Variants in REG4 observed in about 807,000 individuals in gnomAD.
The protein encoded by REG4 is regenerating islet-derived protein 4.
Under a neutral mutation model 22.3 loss-of-function variants are expected in REG4, and 16 were observed. The observed-to-expected ratio is 0.72, with a 90% confidence interval of 0.49 to 1.09. The LOEUF is 1.09. Ranked by LOEUF, REG4 falls within the 50% of genes least tolerant of loss-of-function variation. The pLI is 0.00. For synonymous variants in REG4, 71 were observed against 69.2 expected, an observed-to-expected ratio of 1.03 and a Z score of -0.13; for missense variants, 214 against 193.9, an observed-to-expected ratio of 1.10 and a Z score of -0.61.
chr1:119,799,301 T>TA (rs919495275), intron 4 of REG4, among the ~76,000 whole-genome samples: 1 of 151,260 alleles, frequency 6.6e-6, no homozygotes, highest in Non-Finnish European at 1.5e-5. Context: ...AAGGATAACA[T>TA]AAAAAAAATT....
rs1469366918 is a variant in REG4 at position 119,810,505 on chromosome 1, G to GGA, written c.-95+902_-95+903dup. Among the ~76,000 whole-genome samples, 4 of 152,258 alleles carry GGA rather than the reference G, an allele frequency of 2.6e-5. No homozygotes were observed. In the East Asian group the frequency reaches 7.7e-4, roughly 29 times the overall value. Reference sequence around the variant, plus strand: ...ATTAACTGAGAATGAGACAAAGCTTGGAGAGTGTGGATGTGACCTTCCCCA... The same window carrying GGA: ...ATTAACTGAGAATGAGACAAAGCTTGGAGAGAGTGTGGATGTGACCTTCCCCA... On this transcript the variant is annotated intron_variant, in intron 1 of 5. Transcript: ENST00000256585.
chr1:119,804,708 C>T (rs1228381504), intron 2 of REG4, among the ~76,000 whole-genome samples: 1 of 152,174 alleles, frequency 6.6e-6, no homozygotes, highest in Non-Finnish European at 1.5e-5. Flanking sequence ...AAATAAGGTG[C>T]TTGACTTTCT....
rs1279371738 is a variant in REG4, at chr1:119,811,402, G to A, written c.-95+7C>T. ...AGTCCCCCATCATCAACCGCGAGGA[G>A]GATTACCTGTTTGGCAACCAAGACT... On this transcript the variant is annotated splice_region_variant and intron_variant, in intron 1 of 5. Transcript: ENST00000256585. 2 of 151,656 alleles carry A rather than the reference G, an allele frequency of 1.3e-5. No homozygotes were observed. Among genetic ancestry groups the A allele is most frequent in the Non-Finnish European group, 2.9e-5 (2 of 67,992 alleles). 9.4% of individuals were successfully genotyped at this position (151,656 alleles called of 1,614,324 possible). A position where few individuals can be genotyped will look rare whatever the true frequency, so the allele number is the denominator to read the frequency against.
chr1:119,807,209 T>A (rs1409804650), intron 2 of REG4, among the ~76,000 whole-genome samples: 1 of 152,186 alleles, frequency 6.6e-6, no homozygotes, highest in Non-Finnish European at 1.5e-5. Context: ...CACTACAAGG[T>A]CTCATTGAGA....
rs1199492606 is a variant in REG4 at position 119,798,542 on chromosome 1, A to T, written c.364T>A (p.Ser122Thr). ...MYLYRSWSGKSMGGNKHCAEM... is the reference protein window; with the variant it reads ...MYLYRSWSGKTMGGNKHCAEM... The stretch of plus-strand genomic sequence containing the variant: ...GCACAGTGCTTGTTCCCACCCATGG[A>T]CTTGCCAGACCAGGATCTGTACAGA... Residue 122 changes from serine (S) to threonine (T), a missense_variant, in exon 5 of 6, where the codon TCC (serine) becomes ACC (threonine). Ser to Thr is a moderately conservative substitution (Grantham distance 58). Coordinates refer to ENST00000256585, the MANE Select transcript of REG4 (RefSeq NM_032044.4). 6.2e-7 allele frequency: 1 copy of T among 1,614,208 alleles called. No individual in the cohort carries two copies.
intron 4 of REG4, 35 bp downstream of exon 4, chr1:119,799,690 C>T: frequency 3.7e-6 from 6 of 1,601,904 alleles, no homozygotes; most frequent in Non-Finnish European, 5.1e-6. Context: ...GCCTGGCTTT[C>T]CCAAGAGGGC....
intron 2 of REG4, among the ~76,000 whole-genome samples, chr1:119,805,805 C>T (rs12066617): frequency 0.045 from 6,872 of 152,076 alleles, 495 homozygotes; most frequent in African/African-American, 0.15. Context: ...TTTTTCTCCC[C>T]CTCCTCCTTC....
intron 5 of REG4, among the ~76,000 whole-genome samples, chr1:119,798,262 T>C (rs587726405): frequency 6.6e-6 from 1 of 152,298 alleles, no homozygotes; most frequent in African/African-American, 2.4e-5. Flanking sequence ...AAAGAAAATA[T>C]TGAGTAAATA....
At chr1:119,810,263 G>C (rs1363153369) in intron 1 of REG4, among the ~76,000 whole-genome samples, 1 of 152,038 alleles carries the variant, frequency 6.6e-6, no homozygotes, top group Admixed American at 6.5e-5. Context: ...TCTGGGCTTT[G>C]TTTTAACATA....
Position 119,798,587 on chromosome 1 carries a change from A to G in REG4, c.319T>C (p.Trp107Arg), listed in dbSNP as rs763255276. The change falls in exon 5 of 6, where the codon TGG becomes CGG. Residue 107 changes from tryptophan to arginine, a missense_variant. Physicochemically the swap from Trp to Arg is moderately radical, Grantham distance 101. Transcript: ENST00000256585. Reference sequence around the variant, plus strand: ...TACAGATACATGGCCCCATCAATCCACTGCCACTGCTGCCTCTGCAACAAC... The same window carrying G: ...TACAGATACATGGCCCCATCAATCCGCTGCCACTGCTGCCTCTGCAACAAC... ...HDPQKRQQWQ[W>R]IDGAMYLYRS... 3.7e-6 allele frequency: 6 copies of G among 1,614,154 alleles called. No homozygotes were observed. The South Asian group carries it at 6.6e-5, about 18-fold the overall frequency.
intron 3 of REG4, chr1:119,802,770 T>C (rs994854581): frequency 6.9e-7 from 1 of 1,455,432 alleles, no homozygotes; most frequent in Non-Finnish European, 9.1e-7. Context: ...CCTCCTTTGA[T>C]TGATGTATTT....
chr1:119,799,762 C>T lies in REG4; in HGVS notation c.266G>A (p.Ser89Asn). 6.2e-7 allele frequency: 1 copy of T among 1,613,126 alleles called. No individual in the cohort carries two copies. The highest frequency in any genetic ancestry group is 8.5e-7 in the Non-Finnish European group (1 of 1,179,952). The change falls in exon 4 of 6, where the codon AGC (serine) becomes AAC (asparagine). Residue 89 changes from serine (S) to asparagine (N), a missense_variant. Ser to Asn is a conservative substitution (Grantham distance 46). Coordinates refer to ENST00000256585, the MANE Select transcript of REG4 (RefSeq NM_032044.4). ...GTGCAGGCCAATCCATATCGGCTGGCTTCTCTGATAGCCACTTATGTACTC... is the reference window on the plus strand; with the variant it reads ...GTGCAGGCCAATCCATATCGGCTGGTTTCTCTGATAGCCACTTATGTACTC... ...IAEYISGYQR[S>N]QPIWIGLHDP... is the part of the protein sequence containing the mutation.
At position 119,808,780 on chromosome 1, in the gene REG4, C is replaced by T. The variant is rs1457162254; in HGVS notation, c.-11G>A. 10 of 1,606,754 alleles carry T rather than the reference C, an allele frequency of 6.2e-6. No individual in the cohort carries two copies. Among genetic ancestry groups the T allele is most frequent in the African/African-American group, 1.3e-5 (1 of 74,876 alleles). ...GCTTCTGGAAGCCATCTTCCTCCTACCCTGAGGATGTAGCTAGTGCAAGGA... is the reference window on the plus strand; with the variant it reads ...GCTTCTGGAAGCCATCTTCCTCCTATCCTGAGGATGTAGCTAGTGCAAGGA... On this transcript the variant is annotated 5_prime_UTR_variant, in exon 2 of 6. Transcript: ENST00000256585.
chr1:119,804,708 C>G (rs1228381504), intron 2 of REG4, among the ~76,000 whole-genome samples: 1 of 152,174 alleles, frequency 6.6e-6, no homozygotes, highest in East Asian at 1.9e-4. Flanking sequence ...AAATAAGGTG[C>G]TTGACTTTCT....
rs762116887 is a variant in REG4 at position 119,802,403 on chromosome 1, T to C, written c.165+665A>G. On this transcript the variant is annotated intron_variant, in intron 3 of 5. Transcript: ENST00000256585. ...TGTTTGTTTTGTTTTCTGTTTTTCA[T>C]TGTCTAGTTTTATACAGGGATTGTA... 748 of 989,144 alleles carry C rather than the reference T, an allele frequency of 7.6e-4. 3 individuals are homozygous for C. Among genetic ancestry groups the C allele is most frequent in the Non-Finnish European group, 8.3e-4 (689 of 832,708 alleles). 61.3% of individuals were successfully genotyped at this position (989,144 alleles called of 1,614,324 possible).
At chr1:119,804,946 T>C (rs1160437414) in intron 2 of REG4, among the ~76,000 whole-genome samples, 6 of 152,170 alleles carry the variant, frequency 3.9e-5, no homozygotes, top group Non-Finnish European at 7.4e-5. Context: ...TTTATCCATA[T>C]GGCATTTTTA....
Position 119,802,970 on chromosome 1 carries a change from C to G in REG4, c.165+98G>C, listed in dbSNP as rs151243674. 1,106 of 1,579,938 alleles carry G rather than the reference C, an allele frequency of 7.0e-4. 7 individuals carry two copies. In the African/African-American group the frequency reaches 0.013, roughly 19 times the overall value. On this transcript the variant is annotated intron_variant, in intron 3 of 5. Coordinates refer to ENST00000256585, the MANE Select transcript of REG4 (RefSeq NM_032044.4). ...CCAAAGGGGCTTCTCTTCATAGTGCCCAGGAAGGACACTTGATCCTGAATC... is the reference window on the plus strand; with the variant it reads ...CCAAAGGGGCTTCTCTTCATAGTGCGCAGGAAGGACACTTGATCCTGAATC...
intron 5 of REG4, 53 bp from the exon 6 acceptor site, chr1:119,794,738 C>A: frequency 6.7e-7 from 1 of 1,496,878 alleles, no homozygotes; most frequent in Non-Finnish European, 9.3e-7. Context: ...ACTGAGCTTG[C>A]CAGAGTTATC....
chr1:119,796,049 C>T (rs927811602), intron 5 of REG4, among the ~76,000 whole-genome samples: 12 of 152,216 alleles, frequency 7.9e-5, no homozygotes, highest in African/African-American at 2.4e-4. Context: ...AGAAACCTTA[C>T]TTTCCCTTTT....
Sources: gnomAD v4.1 joint callset for allele counts (sites outside exome capture counted in the v4.1 genomes callset) on GRCh38, gnomAD v4.1.1 for gene constraint, MANE v1.5 for transcripts, NCBI Gene and HGNC (gene_info 2026-07-23, HGNC 2026-07-21) for gene names.